Variants in CPNE5 observed in about 807,000 individuals in gnomAD.
CPNE5 encodes copine 5.
CPNE5 carries 42 observed loss-of-function variants against 81.1 expected under a neutral mutation model. That is an observed-to-expected ratio of 0.52 (90% CI 0.40 to 0.67). The LOEUF (loss-of-function observed/expected upper bound fraction) is 0.67, where lower values mean the gene tolerates loss of function less well. Ranked by LOEUF, CPNE5 falls within the 30% of genes least tolerant of loss-of-function variation. The pLI is 0.00. For missense variants in CPNE5, 612 were observed against 815.5 expected (o/e 0.75, Z 3.04); for synonymous variants, 313 against 321.5 (o/e 0.97, Z 0.28).
chr6:36,797,363 A>G (rs1487608614), intron 6 of CPNE5, among the ~76,000 whole-genome samples: 1 of 152,218 alleles, frequency 6.6e-6, no homozygotes, highest in East Asian at 1.9e-4. Flanking sequence ...GTGTCAACCT[A>G]AAATAATCAA....
chr6:36,797,298 T>G (rs143664048), intron 6 of CPNE5, among the ~76,000 whole-genome samples: 17 of 152,404 alleles, frequency 1.1e-4, no homozygotes, highest in African/African-American at 3.4e-4. Flanking sequence ...CGCTTTGCCC[T>G]GTGGCCTGGA....
intron 14 of CPNE5, among the ~76,000 whole-genome samples, chr6:36,748,551 C>A (rs1365526193): frequency 6.6e-6 from 1 of 152,192 alleles, no homozygotes; most frequent in African/African-American, 2.4e-5. Context: ...ATTTCCTCCA[C>A]AAACCCTACC....
chr6:36,798,034 T>G, intron 6 of CPNE5, 131 bp downstream of exon 6: 2 of 666,238 alleles, frequency 3.0e-6, no homozygotes, highest in Admixed American at 2.7e-5. Flanking sequence ...AGGCATGGGG[T>G]CTCTTTATTC....
chr6:36,797,038 G>T (rs1249080731), intron 6 of CPNE5, among the ~76,000 whole-genome samples: 1 of 152,194 alleles, frequency 6.6e-6, no homozygotes, highest in Non-Finnish European at 1.5e-5. Flanking sequence ...CAGAGTAGCT[G>T]GGACTACAGG....
rs1250710190 is a variant in CPNE5 at position 36,745,485 on chromosome 6, C to T, written c.1231G>A (p.Gly411Ser). The stretch of plus-strand genomic sequence containing the variant: ...TAGGCCTCCAGGATGCCGTCGATGC[C>T]ACAGCATGAGGGGTTCTCCTGGTTG... ...NGNQENPSCCGIDGILEAYHR... is the reference protein window; with the variant it reads ...NGNQENPSCCSIDGILEAYHR... The change falls in exon 17 of 21, where the codon GGC becomes AGC. Residue 411 changes from glycine to serine, a missense_variant. By Grantham distance (56) the Gly-to-Ser change is moderately conservative. Transcript: ENST00000244751. 291 of 1,600,588 alleles carry T rather than the reference C, an allele frequency of 1.8e-4. No homozygotes were observed. Among genetic ancestry groups the T allele is most frequent in the Non-Finnish European group, 2.4e-4 (287 of 1,174,210 alleles).
chr6:36,808,954 G>T (rs567493521), intron 3 of CPNE5, among the ~76,000 whole-genome samples: 2 of 152,334 alleles, frequency 1.3e-5, no homozygotes, highest in Admixed American at 1.3e-4. Flanking sequence ...ATAAGGAGTT[G>T]ATATAGTCAC....
At chr6:36,767,465 G>A (rs10947628) in intron 10 of CPNE5, among the ~76,000 whole-genome samples, 83,956 of 152,016 alleles carry the variant, frequency 0.55, 24,233 homozygotes, top group Non-Finnish European at 0.66. Context: ...ACAAGACCAA[G>A]GCCCTGACTC....
At position 36,783,434 on chromosome 6, in the gene CPNE5, T is replaced by C. The variant is rs192298713; in HGVS notation, c.529-4477A>G. On this transcript the variant is annotated intron_variant, in intron 8 of 20. Transcript: ENST00000244751. ...TAGTACGTGCTATAGTAGGTAGATA[T>C]AATGTTATATGTATTAATTCATTGA... is the stretch of plus-strand genomic sequence containing the variant. Among the ~76,000 whole-genome samples the C allele has an allele frequency of 2.7e-5, 4 of 147,810 alleles. No homozygotes were observed. In the East Asian group the frequency reaches 8.0e-4, roughly 29 times the overall value.
At chr6:36,796,259 T>C (rs952842047) in intron 6 of CPNE5, among the ~76,000 whole-genome samples, 2 of 152,330 alleles carry the variant, frequency 1.3e-5, no homozygotes, top group Admixed American at 1.3e-4. Flanking sequence ...AACCTCTATA[T>C]TTTAGAACTT....
intron 3 of CPNE5, among the ~76,000 whole-genome samples, chr6:36,802,861 C>A (rs1770249670): frequency 6.6e-6 from 1 of 151,954 alleles, no homozygotes; most frequent in Non-Finnish European, 1.5e-5. Flanking sequence ...ACCACCCTGG[C>A]CAACATGGTG....
Position 36,838,417 on chromosome 6 carries a change from A to G in CPNE5, c.95+866T>C, listed in dbSNP as rs1266462178. Reference sequence around the variant, plus strand: ...GCCACAGAGAGACTGAACTAGGGAAAAATCCCCCTTTGCCACCCATACCCT... The same window carrying G: ...GCCACAGAGAGACTGAACTAGGGAAGAATCCCCCTTTGCCACCCATACCCT... On this transcript the variant is annotated intron_variant, in intron 1 of 20. Coordinates refer to ENST00000244751, the MANE Select transcript of CPNE5 (RefSeq NM_020939.2). 3.9e-5 allele frequency among the ~76,000 whole-genome samples: 6 copies of G among 152,182 alleles called. 1 individual carries two copies. The highest frequency in any genetic ancestry group is 6.3e-3 in the Middle Eastern group (2 of 316).
chr6:36,774,365 G>C (rs1352328182), intron 10 of CPNE5, among the ~76,000 whole-genome samples: 1 of 152,134 alleles, frequency 6.6e-6, no homozygotes, highest in African/African-American at 2.4e-5. Flanking sequence ...TTCCAGCCTG[G>C]GTGACTGAGC....
intron 12 of CPNE5, 78 bp from the exon 13 acceptor site, chr6:36,756,376 T>C (rs1765467582): frequency 4.8e-6 from 6 of 1,248,972 alleles, no homozygotes; most frequent in Non-Finnish European, 7.0e-6. Context: ...CAACCACCCA[T>C]GGGTGTGGTC....
intron 3 of CPNE5, among the ~76,000 whole-genome samples, 179 bp downstream of exon 3, chr6:36,821,935 C>A (rs547946807): frequency 5.3e-4 from 81 of 152,348 alleles, no homozygotes; most frequent in African/African-American, 1.9e-3. Context: ...TCCCCTCCAT[C>A]TTCAGTCTGT....
intron 1 of CPNE5, among the ~76,000 whole-genome samples, chr6:36,837,418 C>T (rs1205470513): frequency 2.0e-5 from 3 of 152,248 alleles, no homozygotes; most frequent in Non-Finnish European, 4.4e-5. Flanking sequence ...TATCTGCCCT[C>T]CATCTCCTTT....
rs1582748381 is a variant in CPNE5, at chr6:36,755,578, G to C, written c.909+667C>G. The C allele has an allele frequency of 2.0e-5, 3 of 151,904 alleles. No individual in the cohort carries two copies. In the East Asian group the frequency reaches 5.8e-4, roughly 29 times the overall value. 9.4% of individuals were successfully genotyped at this position (151,904 alleles called of 1,614,324 possible). A position where few individuals can be genotyped will look rare whatever the true frequency, so the allele number is the denominator to read the frequency against. ...CTCCCACTAGAATATAAGCACCAGG[G>C]ATTTGGGTCTGTCTTGTTTCCAGCT... is the stretch of plus-strand genomic sequence containing the variant. On this transcript the variant is annotated intron_variant, in intron 13 of 20. Coordinates refer to ENST00000244751, the MANE Select transcript of CPNE5 (RefSeq NM_020939.2).
intron 10 of CPNE5, 135 bp downstream of exon 10, chr6:36,774,826 C>A (rs1767358177): frequency 2.9e-6 from 2 of 682,272 alleles, no homozygotes; most frequent in Non-Finnish European, 5.1e-6. Context: ...AGGGCACCCC[C>A]TACTGCACAA....
chr6:36,803,858 C>T (rs1770349458), intron 3 of CPNE5, among the ~76,000 whole-genome samples: 1 of 152,146 alleles, frequency 6.6e-6, no homozygotes, highest in Admixed American at 6.5e-5. Flanking sequence ...CAATTAAATA[C>T]AAATCTCAGT....
Position 36,762,973 on chromosome 6 carries a change from A to C in CPNE5, c.799T>G (p.Phe267Val), listed in dbSNP as rs747330331. The C allele has an allele frequency of 6.2e-7, 1 of 1,614,044 alleles. No individual in the cohort carries two copies. The highest frequency in any genetic ancestry group is 1.1e-5 in the South Asian group (1 of 91,068). The change falls in exon 12 of 21, where the codon TTC becomes GTC. Residue 267 changes from phenylalanine (F) to valine (V), a missense_variant. By Grantham distance (50) the Phe-to-Val change is conservative. Transcript: ENST00000244751. ...GCCAGCTCCCGGTAACTGGTGGTGA[A>C]CTCCCCAATGAAGTCATGGCTGCAA... The part of the protein sequence containing the change: ...RDGSHDFIGE[F>V]TTSYRELARG...
Sources: allele counts gnomAD v4.1 joint callset (sites outside exome capture counted in the v4.1 genomes callset), GRCh38; gene constraint gnomAD v4.1.1; transcripts MANE v1.5; gene names NCBI Gene and HGNC (gene_info 2026-07-23, HGNC 2026-07-21).